HDAC9: variants seen among roughly 807,000 people sequenced by gnomAD.
The protein encoded by HDAC9 is histone deacetylase 9.
In HDAC9, 41 loss-of-function variants were observed where a neutral mutation model predicts 139.4. The ratio of observed to expected loss-of-function variants is 0.29; its 90% confidence interval spans 0.23 to 0.38. The LOEUF (loss-of-function observed/expected upper bound fraction) is 0.38. HDAC9 is among the 10% of genes least tolerant of loss of function. The probability of loss-of-function intolerance (pLI) is 1.00; values close to 1 mark genes in which losing one functional copy is unlikely to be tolerated. For synonymous variants in HDAC9, 517 were observed against 476.2 expected (o/e 1.09, Z -1.12); for missense variants, 1,147 against 1,297.0 (o/e 0.88, Z 1.78).
chr7:18,175,900 G>T (rs544646374), intron 2 of HDAC9, among the ~76,000 whole-genome samples: 1 of 150,992 alleles, frequency 6.6e-6, no homozygotes, highest in African/African-American at 2.4e-5. Flanking sequence ...TAATGTCCAA[G>T]AAAATGTTCT....
intron 6 of HDAC9, among the ~76,000 whole-genome samples, chr7:18,618,606 A>G (rs1839327504): frequency 1.3e-5 from 2 of 151,802 alleles, no homozygotes; most frequent in Non-Finnish European, 2.9e-5. Flanking sequence ...GTTCACATGT[A>G]GCTCTTATGA....
intron 2 of HDAC9, among the ~76,000 whole-genome samples, chr7:18,178,429 T>C (rs1310189024): frequency 2.0e-5 from 3 of 152,166 alleles, no homozygotes; most frequent in African/African-American, 7.2e-5. Context: ...ACAACAAACA[T>C]TGCAATAGGG....
At position 18,509,293 on chromosome 7, in the gene HDAC9, G is replaced by A. The variant is rs116166394; in HGVS notation, c.22+12969G>A. On this transcript the variant is annotated intron_variant, in intron 2 of 25. Coordinates refer to ENST00000686413, the MANE Select transcript of HDAC9 (RefSeq NM_178425.4). The stretch of plus-strand genomic sequence containing the variant: ...TTAATCTCCACTTAACTTCTGCCTT[G>A]TGGAAGGGGTGGGGAAGCCTTTATC... 136 of 985,418 alleles carry A rather than the reference G, an allele frequency of 1.4e-4. No individual in the cohort carries two copies. The African/African-American group carries it at 2.3e-3, about 16-fold the overall frequency. 61.0% of individuals were successfully genotyped at this position (985,418 alleles called of 1,614,324 possible).
intron 17 of HDAC9, among the ~76,000 whole-genome samples, chr7:18,817,900 C>T (rs1794690662): frequency 6.6e-6 from 1 of 152,148 alleles, no homozygotes; most frequent in Non-Finnish European, 1.5e-5. Context: ...TAAATATCCT[C>T]AGTCATTCTT....
chr7:18,902,014 A>C (rs2129281484), intron 22 of HDAC9, among the ~76,000 whole-genome samples: 1 of 152,322 alleles, frequency 6.6e-6, no homozygotes, highest in African/African-American at 2.4e-5. Flanking sequence ...ATTGCCCTAA[A>C]GTGTTTGGAA....
intron 22 of HDAC9, among the ~76,000 whole-genome samples, chr7:18,930,015 T>G (rs530153407): frequency 5.9e-5 from 9 of 152,252 alleles, no homozygotes; most frequent in Middle Eastern, 3.4e-3. Context: ...TCTTTTGTAG[T>G]CAATACAGGT....
chr7:18,390,258 G>T (rs571048879), intron 1 of HDAC9, among the ~76,000 whole-genome samples: 1 of 152,090 alleles, frequency 6.6e-6, no homozygotes. Flanking sequence ...AGTAGTGTTT[G>T]CATGGCTCTT....
chr7:18,128,306 G>A (rs958304916), intron 1 of HDAC9, among the ~76,000 whole-genome samples: 1 of 152,070 alleles, frequency 6.6e-6, no homozygotes, highest in Non-Finnish European at 1.5e-5. Flanking sequence ...TAAGCAGGAA[G>A]CGTGTGCTGT....
At chr7:18,860,872 C>T (rs1284245433) in intron 21 of HDAC9, among the ~76,000 whole-genome samples, 1 of 152,142 alleles carries the variant, frequency 6.6e-6, no homozygotes, top group Non-Finnish European at 1.5e-5. Flanking sequence ...GTGCATTATG[C>T]TGGCAAAGAC....
chr7:18,254,556 A>G (rs1199296811), intron 2 of HDAC9, among the ~76,000 whole-genome samples: 2 of 152,226 alleles, frequency 1.3e-5, no homozygotes, highest in Non-Finnish European at 2.9e-5. Context: ...TGGCTAGAGT[A>G]GCATAGAAAG....
intron 6 of HDAC9, among the ~76,000 whole-genome samples, chr7:18,623,913 T>C (rs1260096557): frequency 6.6e-6 from 1 of 152,160 alleles, no homozygotes; most frequent in Non-Finnish European, 1.5e-5. Context: ...CATTCCAGCA[T>C]GGGCGACAGA....
chr7:18,839,762 G>A (rs1796469542), intron 21 of HDAC9, among the ~76,000 whole-genome samples: 1 of 151,990 alleles, frequency 6.6e-6, no homozygotes, highest in South Asian at 2.1e-4. Context: ...AGGAATCTCT[G>A]TTTCAATCAT....
chr7:18,344,097 T>C (rs1434010395), intron 1 of HDAC9, among the ~76,000 whole-genome samples: 1 of 151,836 alleles, frequency 6.6e-6, no homozygotes, highest in Non-Finnish European at 1.5e-5. Flanking sequence ...GGAGTGGCCT[T>C]TGACAGAAAA....
intron 21 of HDAC9, among the ~76,000 whole-genome samples, chr7:18,867,677 C>A (rs1160447077): frequency 6.6e-6 from 1 of 152,236 alleles, no homozygotes; most frequent in East Asian, 1.9e-4. Context: ...GAGCTTCACA[C>A]TGGTTGGACT....
chr7:18,577,161 G>A (rs929691866), intron 2 of HDAC9, among the ~76,000 whole-genome samples: 34 of 152,190 alleles, frequency 2.2e-4, no homozygotes, highest in Middle Eastern at 3.2e-3. Context: ...TAAACTCAGA[G>A]GCTGCTGAGG....
intron 1 of HDAC9, among the ~76,000 whole-genome samples, chr7:18,362,964 A>T (rs1274247213): frequency 6.6e-6 from 1 of 152,176 alleles, no homozygotes; most frequent in Non-Finnish European, 1.5e-5. Flanking sequence ...TCCCACCCAG[A>T]TTGATTCAAA....
At chr7:18,162,678 C>G (rs1181219455) in intron 2 of HDAC9, 2 of 273,350 alleles carry the variant, frequency 7.3e-6, no homozygotes, top group South Asian at 4.2e-5. Context: ...TGTAATCTTT[C>G]TGTCCTAACA....
intron 25 of HDAC9, among the ~76,000 whole-genome samples, chr7:18,992,861 A>T (rs1316701621): frequency 6.6e-6 from 1 of 152,328 alleles, no homozygotes; most frequent in East Asian, 1.9e-4. Flanking sequence ...CAATTCGTTA[A>T]ACCATTATAC....
intron 19 of HDAC9, among the ~76,000 whole-genome samples, chr7:18,830,384 T>G (rs1795774142): frequency 6.6e-6 from 1 of 152,184 alleles, no homozygotes; most frequent in African/African-American, 2.4e-5. Flanking sequence ...AAACCGAACC[T>G]GGTACATCTG....
Sources: gnomAD v4.1 joint callset for allele counts (sites outside exome capture counted in the v4.1 genomes callset) on GRCh38, gnomAD v4.1.1 for gene constraint, MANE v1.5 for transcripts, NCBI Gene and HGNC (gene_info 2026-07-23, HGNC 2026-07-21) for gene names.